Variants in RBKS observed in about 807,000 individuals in gnomAD.
The protein encoded by RBKS is ribokinase.
A neutral mutation model predicts 33.9 loss-of-function variants in RBKS; 33 were observed. That is an observed-to-expected ratio of 0.97 (90% confidence interval 0.74 to 1.30). The LOEUF (loss-of-function observed/expected upper bound fraction) is 1.30, where lower values mean the gene tolerates loss of function less well. RBKS is among the 50% of genes most tolerant of loss of function. RBKS has a pLI of 0.00. For synonymous variants in RBKS, 125 were observed against 143.0 expected, an observed-to-expected ratio of 0.87 and a Z score of 0.90; for missense variants, 361 against 392.6, an observed-to-expected ratio of 0.92 and a Z score of 0.68.
At chr2:27,859,019 G>A (rs1663918984) in intron 1 of RBKS, among the ~76,000 whole-genome samples, 3 of 152,152 alleles carry the variant, frequency 2.0e-5, no homozygotes, top group Admixed American at 2.0e-4. Context: ...CCAGGATTCT[G>A]ATAATCAAGT....
intron 1 of RBKS, among the ~76,000 whole-genome samples, chr2:27,889,346 G>A (rs1664649219): frequency 6.6e-6 from 1 of 152,188 alleles, no homozygotes; most frequent in African/African-American, 2.4e-5. Flanking sequence ...CAGGACGAAT[G>A]AGGTGTTACT....
At chr2:27,806,103 C>T (rs764529507) in intron 7 of RBKS, among the ~76,000 whole-genome samples, 30 of 152,132 alleles carry the variant, frequency 2.0e-4, no homozygotes, top group Non-Finnish European at 4.1e-4. Flanking sequence ...ACGCTGGTCT[C>T]AAACATCTGG....
chr2:27,883,445 C>T (rs1196180192), intron 1 of RBKS, among the ~76,000 whole-genome samples: 4 of 152,072 alleles, frequency 2.6e-5, no homozygotes, highest in Non-Finnish European at 1.5e-5. Flanking sequence ...GTGATCTGCC[C>T]GCCTCGGCCT....
chr2:27,817,516 GA>G (rs1175146142), intron 7 of RBKS, among the ~76,000 whole-genome samples: 2 of 152,148 alleles, frequency 1.3e-5, no homozygotes, highest in Admixed American at 1.3e-4. Flanking sequence ...CTGCTATAAA[GA>G]AATACCCAAG....
rs200901927 is a variant in RBKS, at chr2:27,858,436, T to A, written c.222+3A>T. On this transcript the variant is annotated splice_donor_region_variant and intron_variant, in intron 2 of 7. Transcript: ENST00000302188. Reference sequence around the variant, plus strand: ...AGTCCTCTCCACTATACTTTGTACTTACCTTACACACCATGGACGTCATTG... The same window carrying A: ...AGTCCTCTCCACTATACTTTGTACTAACCTTACACACCATGGACGTCATTG... The A allele has an allele frequency of 1.2e-6, 2 of 1,609,784 alleles. No individual in the cohort carries two copies. The highest frequency in any genetic ancestry group is 1.7e-6 in the Non-Finnish European group (2 of 1,178,816).
At chr2:27,868,828 A>T (rs541051738) in intron 1 of RBKS, among the ~76,000 whole-genome samples, 2 of 152,310 alleles carry the variant, frequency 1.3e-5, no homozygotes, top group South Asian at 4.1e-4. Flanking sequence ...AATCCTTTAA[A>T]ATTCAACTCA....
chr2:27,848,050 C>T lies in RBKS; in HGVS notation c.270G>A (p.Gln90=). ...FGNDYIENLK[Q]NDISTEFTYQ... Reference sequence around the variant, plus strand: ...GAATTTTACCTGTAGAAATATCATTCTGTTTTAAGTTTTCTATATAATCAT... The same window carrying T: ...GAATTTTACCTGTAGAAATATCATTTTGTTTTAAGTTTTCTATATAATCAT... Residue 90 remains glutamine, a synonymous_variant, in exon 3 of 8, where the codon CAG becomes CAA. Transcript: ENST00000302188. The T allele has an allele frequency of 6.7e-7, 1 of 1,495,050 alleles. No individual in the cohort carries two copies. Among genetic ancestry groups the T allele is most frequent in the Non-Finnish European group, 9.2e-7 (1 of 1,083,274 alleles). 92.6% of individuals were successfully genotyped at this position (1,495,050 alleles called of 1,614,324 possible).
At chr2:27,819,467 G>GTTAC (rs1678157664) in intron 7 of RBKS, among the ~76,000 whole-genome samples, 1 of 152,206 alleles carries the variant, frequency 6.6e-6, no homozygotes, top group Admixed American at 6.5e-5. Context: ...ACAGCATGGT[G>GTTAC]TTACATGTTC....
At chr2:27,812,062 G>A (rs1485786461) in intron 7 of RBKS, among the ~76,000 whole-genome samples, 1 of 152,112 alleles carries the variant, frequency 6.6e-6, no homozygotes, top group Non-Finnish European at 1.5e-5. Flanking sequence ...ACTTTTTGAT[G>A]GGGCTGTTTT....
chr2:27,784,852 G>C (rs1677368993), intron 7 of RBKS, among the ~76,000 whole-genome samples: 1 of 152,154 alleles, frequency 6.6e-6, no homozygotes, highest in Non-Finnish European at 1.5e-5. Context: ...AACATTTACT[G>C]GTCCTTCCTG....
chr2:27,789,925 G>GTATATATATA (rs376783086), intron 7 of RBKS, among the ~76,000 whole-genome samples: 1 of 130,628 alleles, frequency 7.7e-6, no homozygotes, highest in African/African-American at 2.9e-5. Context: ...GTTTGTGTGT[G>GTATATATATA]TATATATATA....
chr2:27,826,317 C>G (rs1269434933), intron 7 of RBKS, among the ~76,000 whole-genome samples: 1 of 152,040 alleles, frequency 6.6e-6, no homozygotes, highest in African/African-American at 2.4e-5. Flanking sequence ...GAATAATTAT[C>G]TGTTTCTTCT....
chr2:27,807,588 C>G (rs1677919122), intron 7 of RBKS, among the ~76,000 whole-genome samples: 1 of 152,006 alleles, frequency 6.6e-6, no homozygotes, highest in Non-Finnish European at 1.5e-5. Flanking sequence ...CTATTGTTGC[C>G]CAGCAACTCC....
chr2:27,864,312 A>AT (rs1491267123), intron 1 of RBKS, among the ~76,000 whole-genome samples: 1 of 152,052 alleles, frequency 6.6e-6, no homozygotes, highest in Non-Finnish European at 1.5e-5. Flanking sequence ...CGTGAAACTC[A>AT]TATCTTTTCC....
At chr2:27,849,850 C>G (rs866935775) in intron 2 of RBKS, among the ~76,000 whole-genome samples, 1 of 152,134 alleles carries the variant, frequency 6.6e-6, no homozygotes, top group Non-Finnish European at 1.5e-5. Flanking sequence ...AGGGGCCAGG[C>G]CTTTAGGTCT....
intron 7 of RBKS, among the ~76,000 whole-genome samples, chr2:27,801,783 G>A (rs1330116806): frequency 6.6e-6 from 1 of 151,134 alleles, no homozygotes; most frequent in African/African-American, 2.4e-5. Context: ...GACGAAGCAG[G>A]AGCAGGCATG....
At chr2:27,809,997 G>T in intron 7 of RBKS, 1 of 1,304,254 alleles carries the variant, frequency 7.7e-7, no homozygotes, top group Admixed American at 2.3e-5. Flanking sequence ...TAATGTTTCT[G>T]CTTCTTCACA....
intron 7 of RBKS, among the ~76,000 whole-genome samples, chr2:27,793,438 TAAG>T (rs1677576068): frequency 6.6e-6 from 1 of 152,068 alleles, no homozygotes; most frequent in Non-Finnish European, 1.5e-5. Context: ...GCATCACCAA[TAAG>T]AAGACAAACT....
chr2:27,820,957 T>C (rs541575678), intron 7 of RBKS, among the ~76,000 whole-genome samples: 9 of 150,102 alleles, frequency 6.0e-5, no homozygotes, highest in African/African-American at 2.2e-4. Flanking sequence ...GGAGAATCGC[T>C]TGAACCGGGG....
Sources: gnomAD v4.1 joint callset for allele counts (sites outside exome capture counted in the v4.1 genomes callset) on GRCh38, gnomAD v4.1.1 for gene constraint, MANE v1.5 for transcripts, NCBI Gene and HGNC (gene_info 2026-07-23, HGNC 2026-07-21) for gene names.